The following CNTNAP2 variants were observed in gnomAD, a reference collection of about 807,000 sequenced individuals.
CNTNAP2 encodes contactin-associated protein-like 2.
In CNTNAP2, 98 loss-of-function variants were observed where a neutral mutation model predicts 155.2. That is an observed-to-expected ratio of 0.63 (90% CI 0.54 to 0.75). The LOEUF (loss-of-function observed/expected upper bound fraction) is 0.75, where lower values mean the gene tolerates loss of function less well. Among genes scored for constraint, CNTNAP2 ranks in the 30% least tolerant of loss-of-function variants. CNTNAP2 has a pLI of 0.00. For missense variants in CNTNAP2, 1,727 were observed against 1,688.1 expected (o/e 1.02, Z -0.40); for synonymous variants, 651 against 631.2 (o/e 1.03, Z -0.47).
At chr7:146,376,846 A>T (rs1227930166) in intron 1 of CNTNAP2, among the ~76,000 whole-genome samples, 1 of 152,064 alleles carries the variant, frequency 6.6e-6, no homozygotes, top group African/African-American at 2.4e-5. Flanking sequence ...AGAACTAGCT[A>T]AGCCCTTTTG....
chr7:147,289,900 T>C (rs1387991460), intron 8 of CNTNAP2, among the ~76,000 whole-genome samples: 2 of 152,212 alleles, frequency 1.3e-5, no homozygotes, highest in Non-Finnish European at 2.9e-5. Flanking sequence ...AAGTAGACAT[T>C]GAATGAAATT....
intron 1 of CNTNAP2, among the ~76,000 whole-genome samples, chr7:146,188,445 C>T (rs1424435644): frequency 6.6e-6 from 1 of 152,180 alleles, no homozygotes; most frequent in Non-Finnish European, 1.5e-5. Flanking sequence ...AAGCATTTAG[C>T]TAGTTCGAGG....
At chr7:146,567,237 C>T (rs1030717772) in intron 1 of CNTNAP2, among the ~76,000 whole-genome samples, 3 of 152,100 alleles carry the variant, frequency 2.0e-5, no homozygotes, top group Non-Finnish European at 4.4e-5. Flanking sequence ...CCTTGGCATA[C>T]TGCATTCTTT....
chr7:146,169,432 A>G (rs1027256751), intron 1 of CNTNAP2, among the ~76,000 whole-genome samples: 5 of 152,354 alleles, frequency 3.3e-5, no homozygotes, highest in African/African-American at 9.6e-5. Flanking sequence ...GCAAATATAC[A>G]TTGTGAAATT....
At chr7:147,569,298 T>C (rs1452841562) in intron 12 of CNTNAP2, among the ~76,000 whole-genome samples, 1 of 152,134 alleles carries the variant, frequency 6.6e-6, no homozygotes, top group African/African-American at 2.4e-5. Flanking sequence ...CAGGAGGAAA[T>C]GGGTCACTGA....
At chr7:147,394,712 T>C (rs542092174) in intron 9 of CNTNAP2, among the ~76,000 whole-genome samples, 1 of 151,936 alleles carries the variant, frequency 6.6e-6, no homozygotes, top group South Asian at 2.1e-4. Flanking sequence ...AGTAATTGAT[T>C]GGTGGTGATC....
At chr7:147,778,399 C>G (rs1467503215) in intron 13 of CNTNAP2, among the ~76,000 whole-genome samples, 1 of 152,142 alleles carries the variant, frequency 6.6e-6, no homozygotes, top group South Asian at 2.1e-4. Context: ...TTGGGGTAAA[C>G]CCTAGTAAAG....
intron 1 of CNTNAP2, among the ~76,000 whole-genome samples, chr7:146,358,034 A>G (rs945747676): frequency 6.7e-6 from 1 of 149,758 alleles, no homozygotes; most frequent in Admixed American, 6.7e-5. Flanking sequence ...TTATTTATTT[A>G]TTTATTTATT....
chr7:146,298,996 C>T (rs573708640), intron 1 of CNTNAP2, among the ~76,000 whole-genome samples: 1 of 152,194 alleles, frequency 6.6e-6, no homozygotes, highest in Admixed American at 6.5e-5. Context: ...ATAATACGGC[C>T]AGGTGTGGTG....
intron 21 of CNTNAP2, among the ~76,000 whole-genome samples, chr7:148,341,285 A>T (rs865834255): frequency 2.3e-4 from 34 of 150,354 alleles, no homozygotes; most frequent in South Asian, 4.2e-4. Flanking sequence ...TTTTTTTTTA[A>T]TTTTTTTTTT....
intron 3 of CNTNAP2, among the ~76,000 whole-genome samples, chr7:146,902,055 T>C (rs917521200): frequency 1.3e-5 from 2 of 151,976 alleles, no homozygotes; most frequent in Non-Finnish European, 2.9e-5. Context: ...TTTCTTTTTT[T>C]TTGTATTTGT....
intron 1 of CNTNAP2, among the ~76,000 whole-genome samples, chr7:146,499,968 TTC>T (rs748093222): frequency 2.5e-4 from 38 of 152,194 alleles, no homozygotes; most frequent in Non-Finnish European, 4.7e-4. Flanking sequence ...CCTAAATATT[TTC>T]TTTTTTATAT....
At chr7:146,281,901 T>G (rs1022717927) in intron 1 of CNTNAP2, among the ~76,000 whole-genome samples, 1 of 152,310 alleles carries the variant, frequency 6.6e-6, no homozygotes, top group South Asian at 2.1e-4. Context: ...TGCATAAAAT[T>G]TATTAGTGTG....
At chr7:147,018,375 T>C (rs1231532974) in intron 3 of CNTNAP2, among the ~76,000 whole-genome samples, 6 of 152,096 alleles carry the variant, frequency 3.9e-5, no homozygotes. Flanking sequence ...TCATGGCATG[T>C]GCCCTAAATA....
At chr7:147,496,280 A>G (rs1386572607) in intron 11 of CNTNAP2, among the ~76,000 whole-genome samples, 2 of 152,166 alleles carry the variant, frequency 1.3e-5, no homozygotes, top group South Asian at 4.1e-4. Context: ...CTGGTGCCAA[A>G]AAGGTTGGAG....
chr7:148,066,549 G>A (rs949259194), intron 15 of CNTNAP2, among the ~76,000 whole-genome samples: 27 of 151,778 alleles, frequency 1.8e-4, no homozygotes, highest in Non-Finnish European at 1.5e-4. Context: ...CCAGGCCGGA[G>A]TGCAGTGGTG....
chr7:147,619,565 G>C (rs1198966548), intron 12 of CNTNAP2, among the ~76,000 whole-genome samples: 1 of 152,200 alleles, frequency 6.6e-6, no homozygotes, highest in African/African-American at 2.4e-5. Context: ...GCCCGTTGTG[G>C]TGATGACCAC....
chr7:146,676,995 T>G (rs1339076548), intron 1 of CNTNAP2, among the ~76,000 whole-genome samples: 1 of 152,206 alleles, frequency 6.6e-6, no homozygotes, highest in Non-Finnish European at 1.5e-5. Context: ...GAGGTTTATT[T>G]TGCAAGGTTA....
intron 21 of CNTNAP2, among the ~76,000 whole-genome samples, chr7:148,279,213 C>A (rs6977768): frequency 0.057 from 8,743 of 152,206 alleles, 325 homozygotes; most frequent in African/African-American, 0.11. Context: ...GTATTAACTG[C>A]AGAAGGGGTG....
Sources: allele counts gnomAD v4.1 joint callset (sites outside exome capture counted in the v4.1 genomes callset), GRCh38; gene constraint gnomAD v4.1.1; transcripts MANE v1.5; gene names NCBI Gene and HGNC (gene_info 2026-07-23, HGNC 2026-07-21).